The following DNAJC1 variants were observed in gnomAD, a reference collection of about 807,000 sequenced individuals.
DNAJC1 encodes DnaJ heat shock protein family (Hsp40) member C1.
DNAJC1 carries 58 observed loss-of-function variants against 76.6 expected under a neutral mutation model. The observed-to-expected ratio is 0.76, with a 90% CI of 0.61 to 0.94. The LOEUF (loss-of-function observed/expected upper bound fraction) is 0.94. Among genes scored for constraint, DNAJC1 ranks in the 40% least tolerant of loss-of-function variants. The probability of loss-of-function intolerance (pLI) is 0.00; values close to 1 mark genes in which losing one functional copy is unlikely to be tolerated. For synonymous variants in DNAJC1, 258 were observed against 267.9 expected (o/e 0.96, Z 0.36); for missense variants, 689 against 677.3 (o/e 1.02, Z -0.19).
intron 8 of DNAJC1, among the ~76,000 whole-genome samples, chr10:21,877,116 ATT>A (rs1836199590): frequency 1.3e-5 from 2 of 152,024 alleles, no homozygotes; most frequent in African/African-American, 4.8e-5. Flanking sequence ...TCTAGAAAAC[ATT>A]TAAAAATTAG....
chr10:21,935,980 T>C (rs772261940), intron 1 of DNAJC1, among the ~76,000 whole-genome samples: 2 of 152,214 alleles, frequency 1.3e-5, no homozygotes, highest in African/African-American at 4.8e-5. Flanking sequence ...AAGAAAAAGA[T>C]ACTAGACAGT....
At chr10:21,983,722 A>C (rs1205947656) in intron 1 of DNAJC1, among the ~76,000 whole-genome samples, 5 of 13,546 alleles carry the variant, frequency 3.7e-4, no homozygotes, top group Non-Finnish European at 7.4e-4. Context: ...TTCTGTCTCA[A>C]AAAAAAAAAA....
At chr10:21,790,015 A>G in intron 9 of DNAJC1, among the ~76,000 whole-genome samples, 1 of 147,718 alleles carries the variant, frequency 6.8e-6, no homozygotes, top group South Asian at 2.1e-4. Flanking sequence ...GTCTTTAAAA[A>G]AAAAAAAAAA....
Position 21,759,450 on chromosome 10 carries a change from T to A in DNAJC1, c.1316A>T (p.Asp439Val). The stretch of plus-strand genomic sequence containing the variant: ...TGGCTTCCGCCTCCGAGGCCGGGCA[T>A]CAGTGGCCCCGGTCTCCTGCTCACC... ...DSGEQETGATDARPRRRKPAR... is the reference protein window; with the variant it reads ...DSGEQETGATVARPRRRKPAR... Residue 439 changes from aspartate (D) to valine (V), a missense_variant, in exon 11 of 12, where the codon GAT becomes GTT. By Grantham distance (152) the Asp-to-Val change is radical (BLOSUM62 -3). Transcript: ENST00000376980. 6.2e-7 allele frequency: 1 copy of A among 1,614,144 alleles called. No homozygotes were observed. The highest frequency in any genetic ancestry group is 8.5e-7 in the Non-Finnish European group (1 of 1,180,038).
At chr10:21,970,770 T>A (rs1482699845) in intron 1 of DNAJC1, among the ~76,000 whole-genome samples, 1 of 152,020 alleles carries the variant, frequency 6.6e-6, no homozygotes, top group Admixed American at 6.5e-5. Context: ...TGTTCTCTGA[T>A]TATGGTATGA....
In DNAJC1 at chr10:22,003,557, A is replaced by G. The variant is rs1223562601; in HGVS notation, c.-123T>C. 4 of 1,184,730 alleles carry G rather than the reference A, an allele frequency of 3.4e-6. No individual in the cohort carries two copies. Among genetic ancestry groups the G allele is most frequent in the Non-Finnish European group, 4.3e-6 (4 of 936,380 alleles). The allele number at this position is 1,184,730 out of a possible 1,614,324, so 73.4% of individuals were successfully genotyped here. On this transcript the variant is annotated 5_prime_UTR_variant, in exon 1 of 12. Transcript: ENST00000376980. Reference sequence around the variant, plus strand: ...TGAAAAGCGCGGGCAGGCGCACCGGAGCGGCCCGCCAGGTGGCTGGCCCCA... The same window carrying G: ...TGAAAAGCGCGGGCAGGCGCACCGGGGCGGCCCGCCAGGTGGCTGGCCCCA...
rs532552775 is a variant in DNAJC1, at chr10:21,920,463, GAC to G, written c.537+333_537+334del. On this transcript the variant is annotated intron_variant, in intron 4 of 11. Coordinates refer to ENST00000376980, the MANE Select transcript of DNAJC1 (RefSeq NM_022365.4). ...AAACATTCATTATATAAAGGCCTGT[GAC>G]ACAAAAAAATCTAAAATCAGTCTTA... 9.7e-3 allele frequency: 1,714 copies of G among 176,026 alleles called. 9 individuals are homozygous for G. Among genetic ancestry groups the G allele is most frequent in the Non-Finnish European group, 0.015 (1,227 of 84,568 alleles). 10.9% of individuals were successfully genotyped at this position (176,026 alleles called of 1,614,324 possible).
At chr10:21,793,314 G>A (rs1834713172) in intron 9 of DNAJC1, among the ~76,000 whole-genome samples, 1 of 152,032 alleles carries the variant, frequency 6.6e-6, no homozygotes, top group Non-Finnish European at 1.5e-5. Flanking sequence ...GGGGTTGGGG[G>A]GCCGGGAAAG....
At chr10:21,837,180 C>T (rs949840511) in intron 8 of DNAJC1, among the ~76,000 whole-genome samples, 4 of 152,212 alleles carry the variant, frequency 2.6e-5, no homozygotes, top group South Asian at 2.1e-4. Context: ...CCCGAGGTGC[C>T]GGGATTGCAG....
At chr10:21,778,867 G>A (rs1227666778) in intron 9 of DNAJC1, among the ~76,000 whole-genome samples, 1 of 152,198 alleles carries the variant, frequency 6.6e-6, no homozygotes, top group Non-Finnish European at 1.5e-5. Flanking sequence ...TGTGAAAGAC[G>A]GCACCTGGAA....
At chr10:21,782,894 C>T (rs142514035) in intron 9 of DNAJC1, among the ~76,000 whole-genome samples, 4,858 of 152,234 alleles carry the variant, frequency 0.032, 115 homozygotes, top group Non-Finnish European at 0.048. Context: ...GTTGATGGAA[C>T]GTATGTCAAA....
chr10:21,964,307 C>T (rs932800100), intron 1 of DNAJC1, among the ~76,000 whole-genome samples: 11 of 152,246 alleles, frequency 7.2e-5, no homozygotes, highest in East Asian at 1.9e-4. Flanking sequence ...CTCCACCTCC[C>T]GGGCTGAAGC....
intron 1 of DNAJC1, among the ~76,000 whole-genome samples, chr10:21,969,494 A>G (rs1837943982): frequency 6.6e-6 from 1 of 152,228 alleles, no homozygotes; most frequent in South Asian, 2.1e-4. Flanking sequence ...CCAATGACTG[A>G]GTCAAAAAGT....
intron 8 of DNAJC1, among the ~76,000 whole-genome samples, chr10:21,824,267 C>CTTCTTG (rs2131662120): frequency 6.6e-6 from 1 of 152,236 alleles, no homozygotes; most frequent in Admixed American, 6.5e-5. Flanking sequence ...CTGTCATACC[C>CTTCTTG]CACACCAAAA....
intron 8 of DNAJC1, among the ~76,000 whole-genome samples, chr10:21,847,623 AT>A (rs1464310962): frequency 6.6e-6 from 1 of 152,088 alleles, no homozygotes; most frequent in Non-Finnish European, 1.5e-5. Context: ...AGTAACTATC[AT>A]TCTACTTTCT....
At chr10:21,919,118 G>A in intron 5 of DNAJC1, among the ~76,000 whole-genome samples, 1 of 151,970 alleles carries the variant, frequency 6.6e-6, no homozygotes, top group East Asian at 1.9e-4. Context: ...GGGGAAGGAG[G>A]CTCCTAATCA....
chr10:21,988,771 T>C (rs981098989), intron 1 of DNAJC1, among the ~76,000 whole-genome samples: 2 of 152,188 alleles, frequency 1.3e-5, no homozygotes, highest in Non-Finnish European at 2.9e-5. Flanking sequence ...GAGTGAAATA[T>C]ATTTATAAAG....
intron 1 of DNAJC1, among the ~76,000 whole-genome samples, chr10:21,940,917 G>C (rs554981535): frequency 6.6e-6 from 1 of 151,958 alleles, no homozygotes; most frequent in South Asian, 2.1e-4. Flanking sequence ...GGGGGAGAAA[G>C]AGAGAGAGGA....
chr10:21,830,560 G>A (rs1835339663), intron 8 of DNAJC1, among the ~76,000 whole-genome samples: 1 of 151,730 alleles, frequency 6.6e-6, no homozygotes, highest in Admixed American at 6.6e-5. Context: ...TTTGTTTAGA[G>A]GTAGACTGTT....
Sources: allele counts gnomAD v4.1 joint callset (sites outside exome capture counted in the v4.1 genomes callset), GRCh38; gene constraint gnomAD v4.1.1; transcripts MANE v1.5; gene names NCBI Gene and HGNC (gene_info 2026-07-23, HGNC 2026-07-21).